KRABD2: variants seen among roughly 807,000 people sequenced by gnomAD.
KRABD2 encodes KRAB domain containing 2.
At chr17:8,371,527 G>A in the KRABD2 span, 1 of 1,602,714 alleles carries the variant, frequency 6.2e-7, no homozygotes, top group Non-Finnish European at 8.5e-7. Context: ...CACCAGGAAT[G>A]AAGGCATGCA....
the KRABD2 span, chr17:8,359,952 A>C: frequency 2.5e-6 from 1 of 403,764 alleles, no homozygotes; most frequent in Non-Finnish European, 5.0e-6. Context: ...GGGAGGAGGA[A>C]AGAGGCAAAC....
the KRABD2 span, chr17:8,369,348 G>C: frequency 1.2e-6 from 2 of 1,614,220 alleles, no homozygotes; most frequent in Admixed American, 3.3e-5. Flanking sequence ...CAAGTTTGAG[G>C]AATATAGCCC....
chr17:8,376,356 T>G, the KRABD2 span: 1 of 1,204,386 alleles, frequency 8.3e-7, no homozygotes, highest in Non-Finnish European at 1.0e-6. Context: ...CCCGGGGAGA[T>G]GACCAGTACC....
the KRABD2 span, chr17:8,368,922 C>T: frequency 4.5e-5 from 35 of 779,838 alleles, no homozygotes; most frequent in Admixed American, 1.0e-4. Flanking sequence ...CGGGCATGAG[C>T]GCTGCGCCCG....
the KRABD2 span, chr17:8,369,910 A>C: frequency 1.2e-6 from 2 of 1,614,218 alleles, no homozygotes; most frequent in Non-Finnish European, 1.7e-6. Flanking sequence ...CACTGTTTAC[A>C]CAGAGTCAGA....
the KRABD2 span, among the ~76,000 whole-genome samples, chr17:8,366,873 C>T: frequency 6.6e-6 from 1 of 152,080 alleles, no homozygotes; most frequent in Non-Finnish European, 1.5e-5. Context: ...AGGTGCATGC[C>T]ACCGTGCCCG....
chr17:8,375,536 A>ATT, the KRABD2 span, among the ~76,000 whole-genome samples: 99 of 141,224 alleles, frequency 7.0e-4, no homozygotes, highest in South Asian at 7.7e-3. Flanking sequence ...TTTTTCTTTC[A>ATT]TTTTTTTTTT....
chr17:8,366,128 CA>C, the KRABD2 span, among the ~76,000 whole-genome samples: 6 of 149,422 alleles, frequency 4.0e-5, no homozygotes, highest in African/African-American at 9.8e-5. Context: ...GACTCCATCT[CA>C]AAAAAAAAAT....
At chr17:8,376,302 T>C in the KRABD2 span, 10 of 1,226,080 alleles carry the variant, frequency 8.2e-6, no homozygotes, top group East Asian at 3.2e-4. Flanking sequence ...TATCATTTAC[T>C]GACTAAAGCA....
chr17:8,368,613 G>T, the KRABD2 span: 2 of 151,918 alleles, frequency 1.3e-5, no homozygotes, highest in Non-Finnish European at 2.9e-5. Flanking sequence ...CTCAATTTCT[G>T]TTAAGTCACC....
chr17:8,369,954 T>C, the KRABD2 span: 11 of 1,614,244 alleles, frequency 6.8e-6, no homozygotes, highest in Admixed American at 1.7e-4. Flanking sequence ...GACATTCCCA[T>C]ATTTTCCTTG....
chr17:8,371,713 C>T, the KRABD2 span: 1 of 1,352,056 alleles, frequency 7.4e-7, no homozygotes, highest in South Asian at 2.1e-5. Context: ...ATTTATTAAT[C>T]TTTCCAGAAT....
the KRABD2 span, chr17:8,367,192 G>A: frequency 6.6e-6 from 1 of 152,106 alleles, no homozygotes; most frequent in Non-Finnish European, 1.5e-5. Context: ...ACAATGAGAA[G>A]TGTGTCTCTT....
At chr17:8,372,511 C>T in the KRABD2 span, among the ~76,000 whole-genome samples, 1 of 152,136 alleles carries the variant, frequency 6.6e-6, no homozygotes, top group East Asian at 1.9e-4. This position sits in a 1 kb window ranked among gnomAD's most constrained non-coding sequence, Gnocchi z 4.1. Context: ...GGCTGGTCCT[C>T]GAACTTCTAG....
chr17:8,362,970 G>A, the KRABD2 span, among the ~76,000 whole-genome samples: 1 of 152,208 alleles, frequency 6.6e-6, no homozygotes, highest in African/African-American at 2.4e-5. The surrounding 1 kb of genome is among the most constrained non-coding windows in gnomAD (Gnocchi z 4.2). Context: ...TCAAGGAGGG[G>A]TGATAAAAAC....
At chr17:8,365,512 T>C in the KRABD2 span, 1 of 152,204 alleles carries the variant, frequency 6.6e-6, no homozygotes, top group African/African-American at 2.4e-5. Flanking sequence ...GAAAGTGATG[T>C]CACTTCCTAT....
the KRABD2 span, among the ~76,000 whole-genome samples, chr17:8,374,353 G>A: frequency 6.6e-6 from 1 of 152,130 alleles, no homozygotes; most frequent in African/African-American, 2.4e-5. Flanking sequence ...TGAAACATGT[G>A]CTGTGTCCAC....
the KRABD2 span, chr17:8,369,996 T>C: frequency 1.9e-6 from 3 of 1,614,084 alleles, no homozygotes; most frequent in Non-Finnish European, 2.5e-6. Flanking sequence ...CCGCCCACCA[T>C]GTCCAATACT....
At chr17:8,360,790 C>A in the KRABD2 span, among the ~76,000 whole-genome samples, 1 of 152,162 alleles carries the variant, frequency 6.6e-6, no homozygotes, top group Admixed American at 6.5e-5. Flanking sequence ...TTCCCCCTTA[C>A]AATTCAACAA....
Sources: allele counts gnomAD v4.1 joint callset (sites outside exome capture counted in the v4.1 genomes callset), GRCh38; gene constraint gnomAD v4.1.1; non-coding constraint Gnocchi (gnomAD v3.1); transcripts MANE v1.5; gene names NCBI Gene and HGNC (gene_info 2026-07-23, HGNC 2026-07-21).